The following ANKS6 variants were observed in gnomAD, a reference collection of about 807,000 sequenced individuals.
The protein encoded by ANKS6 is ankyrin repeat and sterile alpha motif domain containing 6, also known as ankyrin repeat and SAM domain-containing protein 6.
Under a neutral mutation model 77.9 loss-of-function variants are expected in ANKS6, and 47 were observed. That is an observed-to-expected ratio of 0.60 (90% CI 0.48 to 0.77). ANKS6 has a LOEUF of 0.77. ANKS6 is among the 30% of genes least tolerant of loss of function. The probability of loss-of-function intolerance (pLI) is 0.00; values close to 1 mark genes in which losing one functional copy is unlikely to be tolerated. For synonymous variants in ANKS6, 488 were observed against 501.7 expected, an observed-to-expected ratio of 0.97 and a Z score of 0.37; for missense variants, 1,150 against 1,159.1, an observed-to-expected ratio of 0.99 and a Z score of 0.11.
chr9:98,774,652 C>T (rs1317440357), intron 8 of ANKS6, among the ~76,000 whole-genome samples: 1 of 152,202 alleles, frequency 6.6e-6, no homozygotes, highest in Non-Finnish European at 1.5e-5. Context: ...CTCTCTTCCC[C>T]AGCCCCCCAC....
At chr9:98,795,363 A>C (rs1470644020) in intron 1 of ANKS6, among the ~76,000 whole-genome samples, 2 of 152,024 alleles carry the variant, frequency 1.3e-5, no homozygotes, top group East Asian at 3.9e-4. Flanking sequence ...TTCTGCCTAG[A>C]ACCTTCCATG....
intron 2 of ANKS6, among the ~76,000 whole-genome samples, chr9:98,786,293 GTT>G (rs376048676): frequency 1.4e-4 from 18 of 129,636 alleles, no homozygotes; most frequent in Admixed American, 1.6e-4. Context: ...CTCCAGAATT[GTT>G]TTTTTTTTTT....
rs140927577 is a variant in ANKS6 at position 98,761,059 on chromosome 9, T to G, written c.2143-4456A>C. On this transcript the variant is annotated intron_variant, in intron 11 of 14. Coordinates refer to ENST00000353234, the MANE Select transcript of ANKS6 (RefSeq NM_173551.5). The stretch of plus-strand genomic sequence containing the variant: ...ATTTGTCACCAGCAACTGTACCTTT[T>G]TAAATATTAGCCAGTCTGACAGGTA... Among the ~76,000 whole-genome samples, 477 of 152,370 alleles carry G rather than the reference T, an allele frequency of 3.1e-3. 3 individuals are homozygous for G. The highest frequency in any genetic ancestry group is 0.011 in the African/African-American group (462 of 41,588).
At chr9:98,760,720 T>C (rs2117960163) in intron 11 of ANKS6, among the ~76,000 whole-genome samples, 1 of 152,368 alleles carries the variant, frequency 6.6e-6, no homozygotes, top group Middle Eastern at 3.4e-3. Context: ...ATCGCACGTA[T>C]CAATAGTGTG....
chr9:98,781,863 G>C (rs1448496400), intron 5 of ANKS6, among the ~76,000 whole-genome samples: 1 of 152,134 alleles, frequency 6.6e-6, no homozygotes, highest in African/African-American at 2.4e-5. Context: ...TGAAACTCCA[G>C]GTTGATAAGA....
At chr9:98,782,419 C>A (rs747562421) in intron 5 of ANKS6, 48 bp downstream of exon 5, 4 of 1,537,852 alleles carry the variant, frequency 2.6e-6, no homozygotes, top group South Asian at 1.1e-5. Context: ...GACTCCCAGT[C>A]CAAGAAACGC....
At chr9:98,759,126 T>C (rs1832879209) in intron 11 of ANKS6, among the ~76,000 whole-genome samples, 1 of 151,964 alleles carries the variant, frequency 6.6e-6, no homozygotes. Context: ...AAACACATAG[T>C]GTTATGTATC....
chr9:98,745,729 C>A, intron 13 of ANKS6, 54 bp from the exon 14 acceptor site: 3 of 1,316,970 alleles, frequency 2.3e-6, no homozygotes, highest in Non-Finnish European at 3.3e-6. Flanking sequence ...AGTTTCTTCC[C>A]AGTCACAACA....
In ANKS6 at chr9:98,751,095, A is replaced by C. The variant is rs1832405199; in HGVS notation, c.2328T>G (p.Asp776Glu). ...GSSSGTITDEDELTGILKKLS... is the reference protein window; with the variant it reads ...GSSSGTITDEEELTGILKKLS... ...ATTTCTTAAGGATTCCAGTCAGTTC[A>C]TCTTCAAGATGGAAAGGTGAAAAAA... Residue 776 changes from aspartate (D) to glutamate (E), a missense_variant and splice_region_variant, in exon 13 of 15, where the codon GAT becomes GAG. Coordinates refer to ENST00000353234, the MANE Select transcript of ANKS6 (RefSeq NM_173551.5). The C allele has an allele frequency of 1.2e-6, 2 of 1,602,544 alleles. No individual in the cohort carries two copies. Among genetic ancestry groups the C allele is most frequent in the Non-Finnish European group, 1.7e-6 (2 of 1,176,322 alleles).
At chr9:98,774,812 CTTAA>C (rs778304060) in intron 8 of ANKS6, among the ~76,000 whole-genome samples, 2 of 152,202 alleles carry the variant, frequency 1.3e-5, no homozygotes, top group Admixed American at 6.5e-5. Flanking sequence ...CCAAGCTCAC[CTTAA>C]TTAAGAAAAA....
chr9:98,793,900 G>A (rs1345978971), intron 1 of ANKS6, among the ~76,000 whole-genome samples: 2 of 146,898 alleles, frequency 1.4e-5, no homozygotes, highest in South Asian at 2.3e-4. Context: ...GCCTGTAATC[G>A]CAGCACTTTG....
chr9:98,780,462 G>T, intron 5 of ANKS6, 125 bp from the exon 6 acceptor site: 1 of 1,154,404 alleles, frequency 8.7e-7, no homozygotes, highest in Non-Finnish European at 1.2e-6. Flanking sequence ...TGTAATTCCA[G>T]AATCAAGGCA....
At position 98,790,366 on chromosome 9, in the gene ANKS6, C is replaced by T; in HGVS notation, c.600G>A (p.Gln200=). ...GACGCACCACGGCCTCGTGCCCGTG[C>T]TGGATGGCAGCCATCAGGGCTGTGA... ...LDITALMAAI[Q]HGHEAVVRLL... is the part of the protein sequence containing the mutation. The change falls in exon 2 of 15, where the codon CAG becomes CAA. Residue 200 remains glutamine, a synonymous_variant. Coordinates refer to ENST00000353234, the MANE Select transcript of ANKS6 (RefSeq NM_173551.5). 1.9e-6 allele frequency: 3 copies of T among 1,613,592 alleles called. No homozygotes were observed. Among genetic ancestry groups the T allele is most frequent in the Non-Finnish European group, 1.7e-6 (2 of 1,179,988 alleles).
At chr9:98,779,825 G>A (rs1252711342) in intron 6 of ANKS6, among the ~76,000 whole-genome samples, 9 of 151,960 alleles carry the variant, frequency 5.9e-5, no homozygotes, top group South Asian at 2.1e-4. Flanking sequence ...CACCATGCCC[G>A]GCTAATTTTT....
rs1564217264 is a variant in ANKS6 at position 98,782,451 on chromosome 9, T to C, written c.1219+16A>G. On this transcript the variant is annotated intron_variant, in intron 5 of 14. Coordinates refer to ENST00000353234, the MANE Select transcript of ANKS6 (RefSeq NM_173551.5). The stretch of plus-strand genomic sequence containing the variant: ...ACGCTGGGTAGATTTACAACCCTTT[T>C]CTTGAAATTACCTACCGGGATCATT... 1 of 1,610,114 alleles carries C rather than the reference T, an allele frequency of 6.2e-7. No homozygotes were observed.
At chr9:98,778,494 GC>G in intron 6 of ANKS6, 70 bp from the exon 7 acceptor site, 1 of 1,474,816 alleles carries the variant, frequency 6.8e-7, no homozygotes, top group Non-Finnish European at 9.3e-7. Context: ...GGACCTGCCA[GC>G]CCAGAGACAG....
At chr9:98,777,355 C>G (rs763449823) in intron 8 of ANKS6, 50 bp downstream of exon 8, 15 of 1,579,372 alleles carry the variant, frequency 9.5e-6, no homozygotes, top group Non-Finnish European at 1.3e-5. Flanking sequence ...AATCAATCAA[C>G]TGATGATTGC....
chr9:98,761,694 T>C (rs905240631), intron 11 of ANKS6, among the ~76,000 whole-genome samples: 2 of 152,212 alleles, frequency 1.3e-5, no homozygotes, highest in African/African-American at 2.4e-5. Context: ...CTCCACTGAA[T>C]TGCCTTTGTA....
chr9:98,788,052 G>C (rs1834673237), intron 2 of ANKS6, among the ~76,000 whole-genome samples: 1 of 152,226 alleles, frequency 6.6e-6, no homozygotes, highest in Admixed American at 6.5e-5. Context: ...AGGTCCCTTG[G>C]CCAGCAGGGG....
Sources: allele counts gnomAD v4.1 joint callset (sites outside exome capture counted in the v4.1 genomes callset), GRCh38; gene constraint gnomAD v4.1.1; transcripts MANE v1.5; gene names NCBI Gene and HGNC (gene_info 2026-07-23, HGNC 2026-07-21).